The following PEX7 variants were observed in gnomAD, a reference collection of about 807,000 sequenced individuals.
The protein encoded by PEX7 is peroxisomal biogenesis factor 7.
In PEX7, 34 loss-of-function variants were observed where a neutral mutation model predicts 47.5. The ratio of observed to expected loss-of-function variants is 0.72; its 90% CI spans 0.54 to 0.95. PEX7 has a LOEUF of 0.95. Ranked by LOEUF, PEX7 falls within the 40% of genes least tolerant of loss-of-function variation. The pLI is 0.00. For synonymous variants in PEX7, 141 were observed against 148.8 expected (o/e 0.95, Z 0.38); for missense variants, 394 against 400.3 (o/e 0.98, Z 0.13).
chr6:136,859,656 C>T (rs1774921776), intron 5 of PEX7, among the ~76,000 whole-genome samples: 1 of 152,146 alleles, frequency 6.6e-6, no homozygotes, highest in Admixed American at 6.6e-5. Context: ...TATGCAACTT[C>T]CTCGTACCTG....
chr6:136,836,386 G>C (rs1774385315), intron 3 of PEX7, among the ~76,000 whole-genome samples: 1 of 151,934 alleles, frequency 6.6e-6, no homozygotes, highest in Non-Finnish European at 1.5e-5. Flanking sequence ...AGAAAGCAGG[G>C]GAAGGGGGAC....
At chr6:136,901,974 G>A (rs151164314) in intron 9 of PEX7, among the ~76,000 whole-genome samples, 6,100 of 152,174 alleles carry the variant, frequency 0.04, 138 homozygotes, top group African/African-American at 0.066. Flanking sequence ...TAGTAGAGAT[G>A]GGGTTTCTCT....
At chr6:136,866,282 A>G (rs998679454) in intron 5 of PEX7, among the ~76,000 whole-genome samples, 8 of 152,098 alleles carry the variant, frequency 5.3e-5, no homozygotes, top group East Asian at 1.9e-4. Context: ...TTCTAGTACA[A>G]TACACTGGTA....
intron 8 of PEX7, among the ~76,000 whole-genome samples, chr6:136,893,189 T>G (rs1775586457): frequency 6.6e-6 from 1 of 152,232 alleles, no homozygotes; most frequent in African/African-American, 2.4e-5. Flanking sequence ...AATCCTTCAG[T>G]GGCTTTTTTT....
rs1775734581 is a variant in PEX7 at position 136,900,467 on chromosome 6, C to T, written c.903+2226C>T. On this transcript the variant is annotated intron_variant, in intron 9 of 9. Coordinates refer to ENST00000318471, the MANE Select transcript of PEX7 (RefSeq NM_000288.4). This position sits in a 1 kb window ranked among gnomAD's most constrained non-coding sequence, Gnocchi z 4.2. ...GACTTGGGACCAAGGACATTGCCCC[C>T]CCAGTGACAGCAGATCTCATCGTGT... 1 of 461,840 alleles carries T rather than the reference C, an allele frequency of 2.2e-6. No individual in the cohort carries two copies. Among genetic ancestry groups the T allele is most frequent in the East Asian group, 5.9e-5 (1 of 16,830 alleles). The allele number at this position is 461,840 out of a possible 1,614,324, so 28.6% of individuals were successfully genotyped here. A position where few individuals can be genotyped will look rare whatever the true frequency, so the allele number is the denominator to read the frequency against.
At chr6:136,902,148 A>G (rs1775763674) in intron 9 of PEX7, among the ~76,000 whole-genome samples, 1 of 152,170 alleles carries the variant, frequency 6.6e-6, no homozygotes, top group South Asian at 2.1e-4. Context: ...TACAGATTGT[A>G]AGTTAATTTA....
intron 3 of PEX7, among the ~76,000 whole-genome samples, chr6:136,836,407 A>G (rs1338483231): frequency 1.3e-5 from 2 of 152,304 alleles, no homozygotes; most frequent in East Asian, 3.8e-4. Flanking sequence ...CAGAATGGAA[A>G]TAAGATTTCT....
intron 9 of PEX7, among the ~76,000 whole-genome samples, chr6:136,910,582 GA>G (rs1421071071): frequency 6.6e-6 from 1 of 152,140 alleles, no homozygotes; most frequent in Non-Finnish European, 1.5e-5. Flanking sequence ...TTAAAAGTTT[GA>G]CTAAAAAGTC....
At chr6:136,863,857 T>C (rs189809289) in intron 5 of PEX7, among the ~76,000 whole-genome samples, 2 of 152,186 alleles carry the variant, frequency 1.3e-5, no homozygotes, top group African/African-American at 4.8e-5. Context: ...TGCAGTGAGC[T>C]GAGATCGCAT....
chr6:136,869,677 A>C (rs1055444833), intron 6 of PEX7, among the ~76,000 whole-genome samples: 2 of 152,218 alleles, frequency 1.3e-5, no homozygotes, highest in African/African-American at 4.8e-5. Flanking sequence ...TACATAAAGC[A>C]TATTGAGTTC....
At chr6:136,894,450 C>T (rs949840455) in intron 8 of PEX7, among the ~76,000 whole-genome samples, 3 of 152,088 alleles carry the variant, frequency 2.0e-5, no homozygotes, top group Non-Finnish European at 4.4e-5. Flanking sequence ...ATTAGCTGAG[C>T]GTAGTGGCGT....
At chr6:136,911,747 A>G (rs1237339623) in intron 9 of PEX7, among the ~76,000 whole-genome samples, 1 of 152,154 alleles carries the variant, frequency 6.6e-6, no homozygotes, top group East Asian at 1.9e-4. Flanking sequence ...AGTTGCTATG[A>G]ACATTCGTGT....
intron 3 of PEX7, among the ~76,000 whole-genome samples, chr6:136,838,964 A>G (rs9389441): frequency 0.64 from 97,154 of 152,020 alleles, 31,184 homozygotes; most frequent in African/African-American, 0.69. Context: ...GGGGGATTAC[A>G]TGAGCCCAGG....
intron 8 of PEX7, among the ~76,000 whole-genome samples, chr6:136,894,525 G>T (rs1286713248): frequency 3.3e-5 from 5 of 152,180 alleles, no homozygotes; most frequent in Non-Finnish European, 5.9e-5. Flanking sequence ...GGGAGGCAGA[G>T]GTTGCAGTGA....
intron 5 of PEX7, among the ~76,000 whole-genome samples, chr6:136,855,107 A>G (rs1444955230): frequency 6.6e-6 from 1 of 152,028 alleles, no homozygotes; most frequent in Non-Finnish European, 1.5e-5. Flanking sequence ...AAGGAACTGA[A>G]GCATGCTTCT....
At chr6:136,861,446 A>G (rs2115204234) in intron 5 of PEX7, among the ~76,000 whole-genome samples, 1 of 152,290 alleles carries the variant, frequency 6.6e-6, no homozygotes, top group East Asian at 1.9e-4. Flanking sequence ...AAGCTCATTG[A>G]TCTTGAGACA....
At chr6:136,848,319 T>C (rs1370418263) in intron 5 of PEX7, among the ~76,000 whole-genome samples, 3 of 152,206 alleles carry the variant, frequency 2.0e-5, no homozygotes, top group Admixed American at 1.3e-4. Context: ...CTTTTCCTAA[T>C]TGAATACCCT....
intron 8 of PEX7, among the ~76,000 whole-genome samples, chr6:136,874,343 C>T (rs1487301224): frequency 1.3e-5 from 2 of 151,960 alleles, no homozygotes; most frequent in African/African-American, 4.8e-5. Flanking sequence ...GGAAATTGTC[C>T]CTTGCTTTTA....
At position 136,902,541 on chromosome 6, in the gene PEX7, C is replaced by T. The variant is rs3799477; in HGVS notation, c.903+4300C>T. On this transcript the variant is annotated intron_variant, in intron 9 of 9. Transcript: ENST00000318471. ...ATTGCTGAGAAATGCTCTATGCCCT[C>T]TCTTGTTAACCAGGCTGAAGGCATC... Among the ~76,000 whole-genome samples, 19 of 152,230 alleles carry T rather than the reference C, an allele frequency of 1.2e-4. No individual in the cohort carries two copies. The East Asian group carries it at 2.5e-3, about 20-fold the overall frequency.
Sources: gnomAD v4.1 joint callset for allele counts (sites outside exome capture counted in the v4.1 genomes callset) on GRCh38, gnomAD v4.1.1 for gene constraint, Gnocchi (gnomAD v3.1) non-coding constraint, MANE v1.5 for transcripts, NCBI Gene and HGNC (gene_info 2026-07-23, HGNC 2026-07-21) for gene names.